ARHGEF10L: variants seen among roughly 807,000 people sequenced by gnomAD.
The protein encoded by ARHGEF10L is rho guanine nucleotide exchange factor 10-like protein.
Under a neutral mutation model 141.2 loss-of-function variants are expected in ARHGEF10L, and 69 were observed. That is an observed-to-expected ratio of 0.49 (90% CI 0.40 to 0.60). The LOEUF is 0.60. Among genes scored for constraint, ARHGEF10L ranks in the 20% least tolerant of loss-of-function variants. ARHGEF10L has a pLI of 0.00. For synonymous variants in ARHGEF10L, 711 were observed against 718.5 expected (o/e 0.99, Z 0.17); for missense variants, 1,482 against 1,734.3 (o/e 0.85, Z 2.58).
In ARHGEF10L at chr1:17,692,867, G is replaced by A. The variant is rs1346982907; in HGVS notation, c.3185-2291G>A. The stretch of plus-strand genomic sequence containing the variant: ...CTGGCTTCACTCTGCTCGGCGGACT[G>A]GATGAGCTCATTCCTGTCACAGGGC... On this transcript the variant is annotated intron_variant, in intron 27 of 28. Coordinates refer to ENST00000361221, the MANE Select transcript of ARHGEF10L (RefSeq NM_018125.4). 2.0e-5 allele frequency among the ~76,000 whole-genome samples: 3 copies of A among 152,212 alleles called. No individual in the cohort carries two copies. In the South Asian group the frequency reaches 6.2e-4, roughly 32 times the overall value.
chr1:17,694,780 C>T (rs757792219), intron 27 of ARHGEF10L: 8 of 382,386 alleles, frequency 2.1e-5, no homozygotes, highest in African/African-American at 6.3e-5. Flanking sequence ...TGGTTTTGCT[C>T]GTAGCTGGCT....
intron 6 of ARHGEF10L, chr1:17,604,747 TG>T (rs1270187208): frequency 1.3e-5 from 2 of 152,250 alleles, no homozygotes; most frequent in African/African-American, 4.8e-5. Context: ...CAGGGAGCAA[TG>T]GATTCCCACT....
At chr1:17,677,553 G>C (rs1464066551) in intron 26 of ARHGEF10L, among the ~76,000 whole-genome samples, 1 of 152,176 alleles carries the variant, frequency 6.6e-6, no homozygotes, top group Non-Finnish European at 1.5e-5. Flanking sequence ...AGCAGCCCCT[G>C]CCCTCATGGA....
chr1:17,603,683 C>G lies in ARHGEF10L; in HGVS notation c.433+92C>G, dbSNP rs2080908627. The stretch of plus-strand genomic sequence containing the variant: ...GTTGTCTCTTTCCGTTTCCTTCTGT[C>G]CCCACCTGGCCAAGTGCCCCTCCTT... On this transcript the variant is annotated intron_variant, in intron 6 of 28. Transcript: ENST00000361221. The surrounding 1 kb of genome is among the most constrained non-coding windows in gnomAD (Gnocchi z 4.8). The G allele has an allele frequency of 8.7e-6, 10 of 1,153,798 alleles. No homozygotes were observed. In the Middle Eastern group the frequency reaches 6.3e-4, roughly 72 times the overall value. The allele number at this position is 1,153,798 out of a possible 1,614,324, so 71.5% of individuals were successfully genotyped here.
At chr1:17,647,913 G>T (rs972106050) in intron 21 of ARHGEF10L, among the ~76,000 whole-genome samples, 2 of 152,116 alleles carry the variant, frequency 1.3e-5, no homozygotes, top group African/African-American at 4.8e-5. Context: ...TCTGGGGTCG[G>T]GTTAGGCATC....
chr1:17,569,539 C>T (rs2077902224), intron 1 of ARHGEF10L, among the ~76,000 whole-genome samples: 1 of 152,168 alleles, frequency 6.6e-6, no homozygotes, highest in Admixed American at 6.5e-5. Context: ...CCCAGAGCTC[C>T]CTCGTGGGAC....
intron 26 of ARHGEF10L, among the ~76,000 whole-genome samples, chr1:17,679,235 C>T (rs989434853): frequency 7.9e-5 from 12 of 152,206 alleles, no homozygotes; most frequent in Admixed American, 3.3e-4. Flanking sequence ...GTGGACTGGT[C>T]GTTGCACCCG....
chr1:17,687,785 A>C (rs2064737541), intron 27 of ARHGEF10L, 38 bp downstream of exon 27: 1 of 1,537,978 alleles, frequency 6.5e-7, no homozygotes, highest in South Asian at 1.3e-5. Context: ...GGACAGTCAC[A>C]GAGCACCTTC....
intron 26 of ARHGEF10L, among the ~76,000 whole-genome samples, chr1:17,665,599 T>G (rs548466642): frequency 1.3e-5 from 2 of 152,296 alleles, no homozygotes; most frequent in African/African-American, 4.8e-5. Flanking sequence ...GTTCTGCCAC[T>G]TACATCTGGG....
chr1:17,696,981 G>T lies in ARHGEF10L; in HGVS notation c.3441G>T (p.Lys1147Asn), dbSNP rs1170360340. ...EAEGPRAEED[K>N]PDGQAHEPMP... is the part of the protein sequence containing the mutation. ...AGGGGCCCCGGGCTGAGGAGGACAA[G>T]CCAGACGGGCAGGCACACGAGCCCA... Residue 1147 changes from lysine to asparagine, a missense_variant, in exon 29 of 29, where the codon AAG becomes AAT. By Grantham distance (94) the Lys-to-Asn change is moderately conservative. This residue lies in a region of ARHGEF10L where 858 missense variants were observed against 966.3 expected (regional missense o/e 0.89). Coordinates refer to ENST00000361221, the MANE Select transcript of ARHGEF10L (RefSeq NM_018125.4). 6.2e-7 allele frequency: 1 copy of T among 1,612,004 alleles called. No homozygotes were observed. Among genetic ancestry groups the T allele is most frequent in the Non-Finnish European group, 8.5e-7 (1 of 1,179,610 alleles).
chr1:17,641,874 G>A (rs189641004), intron 21 of ARHGEF10L, among the ~76,000 whole-genome samples: 5 of 151,694 alleles, frequency 3.3e-5, no homozygotes, highest in Non-Finnish European at 5.9e-5. Context: ...CCAGCTACTC[G>A]AGAGGTTGAG....
intron 1 of ARHGEF10L, 141 bp from the exon 2 acceptor site, chr1:17,580,412 G>A (rs920432971): frequency 4.5e-6 from 3 of 668,360 alleles, no homozygotes; most frequent in African/African-American, 3.6e-5. Context: ...ATGAAGGCTG[G>A]AGGCTGGGGC....
chr1:17,619,048 T>A lies in ARHGEF10L; in HGVS notation c.836-291T>A, dbSNP rs2059964892. On this transcript the variant is annotated intron_variant, in intron 9 of 28. Transcript: ENST00000361221. This position sits in a 1 kb window ranked among gnomAD's most constrained non-coding sequence, Gnocchi z 5.0. Reference sequence around the variant, plus strand: ...GCAGGGACAGTGGCTTCTGGCAGCATGGACGCCGAGAACCCAGGCCCCACA... The same window carrying A: ...GCAGGGACAGTGGCTTCTGGCAGCAAGGACGCCGAGAACCCAGGCCCCACA... Among the ~76,000 whole-genome samples, 1 of 152,106 alleles carries A rather than the reference T, an allele frequency of 6.6e-6. No homozygotes were observed. The highest frequency in any genetic ancestry group is 2.4e-5 in the African/African-American group (1 of 41,420).
At chr1:17,547,077 G>T (rs964916161) in intron 1 of ARHGEF10L, among the ~76,000 whole-genome samples, 2 of 152,088 alleles carry the variant, frequency 1.3e-5, no homozygotes, top group Non-Finnish European at 2.9e-5. Flanking sequence ...GGCCTGGCCC[G>T]GCTGTGCCTT....
intron 22 of ARHGEF10L, among the ~76,000 whole-genome samples, chr1:17,649,620 G>A (rs1243344066): frequency 6.6e-6 from 1 of 152,226 alleles, no homozygotes; most frequent in African/African-American, 2.4e-5. Flanking sequence ...CTAAGACATA[G>A]AAGGTCCCAA....
intron 25 of ARHGEF10L, among the ~76,000 whole-genome samples, chr1:17,659,166 G>A (rs1244381132): frequency 2.0e-5 from 3 of 152,166 alleles, no homozygotes; most frequent in Non-Finnish European, 2.9e-5. Context: ...AGGCAGGTTG[G>A]CTGGCTGGGA....
intron 15 of ARHGEF10L, among the ~76,000 whole-genome samples, chr1:17,629,469 C>G (rs924271426): frequency 1.3e-5 from 2 of 152,200 alleles, no homozygotes; most frequent in Non-Finnish European, 2.9e-5. Flanking sequence ...CACCAGCCCC[C>G]GAGTGGCAGC....
chr1:17,670,565 A>G (rs954437276), intron 26 of ARHGEF10L, among the ~76,000 whole-genome samples: 3 of 152,248 alleles, frequency 2.0e-5, no homozygotes, highest in South Asian at 2.1e-4. Flanking sequence ...CCTGCGGCAC[A>G]TGAGGTGTGC....
In ARHGEF10L at chr1:17,695,138, G is replaced by T. The variant is rs761761163; in HGVS notation, c.3185-20G>T. On this transcript the variant is annotated intron_variant, in intron 27 of 28. Transcript: ENST00000361221. The stretch of plus-strand genomic sequence containing the variant: ...TGTCTCCCCAGGAGGGCACTGCTCA[G>T]CCGCCCTCTCTTTCTGCAGGCCAGA... 1 of 1,612,036 alleles carries T rather than the reference G, an allele frequency of 6.2e-7. No homozygotes were observed. The highest frequency in any genetic ancestry group is 1.7e-5 in the Admixed American group (1 of 60,016).
Sources: gnomAD v4.1 joint callset for allele counts (sites outside exome capture counted in the v4.1 genomes callset) on GRCh38, gnomAD v4.1.1 for gene constraint, gnomAD v4.1.1 regional missense constraint, Gnocchi (gnomAD v3.1) non-coding constraint, MANE v1.5 for transcripts, NCBI Gene and HGNC (gene_info 2026-07-23, HGNC 2026-07-21) for gene names.